Variants in SLC25A43 observed in about 807,000 individuals in gnomAD.
SLC25A43 encodes the protein solute carrier family 25 member 43.
A neutral mutation model predicts 22.8 loss-of-function variants in SLC25A43; 10 were observed. The observed-to-expected ratio is 0.44, with a 90% CI of 0.27 to 0.74. The LOEUF (loss-of-function observed/expected upper bound fraction) is 0.74, where lower values mean the gene tolerates loss of function less well. Ranked by LOEUF, SLC25A43 falls within the 30% of genes least tolerant of loss-of-function variation. The pLI is 0.17. For missense variants in SLC25A43, 233 were observed against 279.1 expected (o/e 0.83, Z 1.18); for synonymous variants, 106 against 121.6 (o/e 0.87, Z 0.84).
chrX:119,449,512 G>A (rs779863577), intron 3 of SLC25A43, among the ~76,000 whole-genome samples: 2 of 108,036 alleles, frequency 1.9e-5, no homozygotes, highest in African/African-American at 3.4e-5. Context: ...GGAGGATCAC[G>A]TGAGCCCAGA....
intron 3 of SLC25A43, among the ~76,000 whole-genome samples, chrX:119,442,809 C>T (rs995966998): frequency 3.6e-5 from 4 of 112,382 alleles, no homozygotes; most frequent in Non-Finnish European, 7.5e-5. Flanking sequence ...TCTTGACCCA[C>T]GATTTTTATA....
At position 119,399,650 on chromosome X, in the gene SLC25A43, A is replaced by C. The variant is rs2052218811; in HGVS notation, c.247A>C (p.Ser83Arg). 3.3e-5 allele frequency: 33 copies of C among 995,922 alleles called. No homozygotes were observed. The highest frequency in any genetic ancestry group is 3.9e-5 in the Non-Finnish European group (31 of 791,214). The allele number at this position is 995,922 out of a possible 1,213,427, so 82.1% of individuals were successfully genotyped here. A position where few individuals can be genotyped will look rare whatever the true frequency, so the allele number is the denominator to read the frequency against. The change falls in exon 1 of 5, where the codon AGC (serine) becomes CGC (arginine). Residue 83 changes from serine to arginine, a missense_variant. Physicochemically the swap from Ser to Arg is moderately radical, Grantham distance 110 (BLOSUM62 -1). Transcript: ENST00000217909. ...AVACLRLFPC[S>R]AVQLAAYRKF... ...GGCGTGCCTGCGCCTCTTCCCCTGC[A>C]GCGCCGTGCAGCTCGCCGCCTACCG... is the stretch of plus-strand genomic sequence containing the variant.
intron 3 of SLC25A43, among the ~76,000 whole-genome samples, chrX:119,428,502 G>C (rs1409230199): frequency 2.7e-5 from 3 of 111,770 alleles, no homozygotes; most frequent in African/African-American, 9.8e-5. Flanking sequence ...TCCAGATAAA[G>C]CTGCCACATA....
intron 2 of SLC25A43, 90 bp downstream of exon 2, chrX:119,406,791 GT>G: frequency 9.7e-7 from 1 of 1,031,720 alleles, no homozygotes; most frequent in Non-Finnish European, 1.3e-6. Flanking sequence ...CACTAAATCA[GT>G]TTTACTGAGA....
intron 2 of SLC25A43, among the ~76,000 whole-genome samples, chrX:119,407,489 T>C (rs2052309028): frequency 9.0e-6 from 1 of 111,646 alleles, no homozygotes; most frequent in Non-Finnish European, 1.9e-5. Context: ...ATGTTCTGGG[T>C]ACTGGGCCAA....
In SLC25A43 at chrX:119,426,959, G is replaced by A. The variant is rs781059955; in HGVS notation, c.690+16597G>A. Among the ~76,000 whole-genome samples the A allele has an allele frequency of 1.3e-3, 140 of 111,743 alleles. 1 individual carries two copies. The highest frequency in any genetic ancestry group is 4.4e-3 in the African/African-American group (137 of 30,794). ...GAGCAGCGACAGGAATCGAGAGTTC[G>A]TACAGAATTTTTTGGTTTGGTTAGC... is the stretch of plus-strand genomic sequence containing the variant. On this transcript the variant is annotated intron_variant, in intron 3 of 4. Coordinates refer to ENST00000217909, the MANE Select transcript of SLC25A43 (RefSeq NM_145305.3).
chrX:119,424,959 C>T (rs1360524430), intron 3 of SLC25A43, among the ~76,000 whole-genome samples: 1 of 112,121 alleles, frequency 8.9e-6, no homozygotes, highest in Non-Finnish European at 1.9e-5. Context: ...AAACCATCAC[C>T]CTAGGAGTCA....
intron 3 of SLC25A43, among the ~76,000 whole-genome samples, chrX:119,419,733 T>C (rs1408313889): frequency 8.9e-6 from 1 of 111,818 alleles, no homozygotes; most frequent in Non-Finnish European, 1.9e-5. Context: ...CTAACACTGT[T>C]ATTCCAGAGT....
At chrX:119,445,345 C>G (rs749948765) in intron 3 of SLC25A43, among the ~76,000 whole-genome samples, 11 of 112,212 alleles carry the variant, frequency 9.8e-5, no homozygotes, top group Non-Finnish European at 1.9e-4. Flanking sequence ...TACATACCCA[C>G]TAGTTGGAAT....
intron 3 of SLC25A43, among the ~76,000 whole-genome samples, chrX:119,420,839 G>T (rs2052446187): frequency 8.9e-6 from 1 of 112,150 alleles, no homozygotes; most frequent in African/African-American, 3.2e-5. Flanking sequence ...GGGCCTGGTG[G>T]CCCACGTCTG....
chrX:119,430,058 G>C (rs2052539844), intron 3 of SLC25A43, among the ~76,000 whole-genome samples: 1 of 112,155 alleles, frequency 8.9e-6, no homozygotes, highest in South Asian at 3.7e-4. Context: ...TGCTCATCCT[G>C]GGAGCTGTGG....
intron 1 of SLC25A43, among the ~76,000 whole-genome samples, chrX:119,403,835 G>A (rs952955384): frequency 9.1e-6 from 1 of 110,086 alleles, no homozygotes; most frequent in Admixed American, 9.6e-5. Context: ...AAATGAGTGT[G>A]GGGAACCCCA....
In SLC25A43 at chrX:119,406,351, A is replaced by G. The variant is rs185953173; in HGVS notation, c.276-109A>G. ...TTATATAGTACTATAGTAACTTTTC[A>G]CTTTGTAAAGTACTTTGAAATGCTG... is the stretch of plus-strand genomic sequence containing the variant. On this transcript the variant is annotated intron_variant, in intron 1 of 4. Transcript: ENST00000217909. 1,196 of 947,691 alleles carry G rather than the reference A, an allele frequency of 1.3e-3. 8 individuals carry two copies. The African/African-American group carries it at 0.022, about 17-fold the overall frequency. 78.1% of individuals were successfully genotyped at this position (947,691 alleles called of 1,213,427 possible).
intron 3 of SLC25A43, among the ~76,000 whole-genome samples, chrX:119,425,462 A>G (rs2052494856): frequency 9.5e-6 from 1 of 105,668 alleles, no homozygotes; most frequent in Non-Finnish European, 1.9e-5. Context: ...TTACCTGTCC[A>G]GAGGTACAAA....
chrX:119,432,784 T>TAAAAAAAAA (rs35181029), intron 3 of SLC25A43, among the ~76,000 whole-genome samples: 1 of 71,450 alleles, frequency 1.4e-5, no homozygotes, highest in African/African-American at 5.4e-5. Context: ...CGAGATTCCA[T>TAAAAAAAAA]AAAAAAAAAA....
chrX:119,452,731 AAG>A (rs2052715983), intron 4 of SLC25A43, 132 bp from the exon 5 acceptor site: 1 of 514,330 alleles, frequency 1.9e-6, no homozygotes, highest in Non-Finnish European at 3.2e-6. Flanking sequence ...TGATTCCAAA[AAG>A]AGTTACCATT....
intron 3 of SLC25A43, among the ~76,000 whole-genome samples, chrX:119,410,857 C>T (rs1464844786): frequency 1.8e-5 from 2 of 109,644 alleles, no homozygotes; most frequent in East Asian, 5.7e-4. Context: ...CCATTGCACT[C>T]CAGCCTGGGT....
At chrX:119,414,397 T>C (rs2052380287) in intron 3 of SLC25A43, among the ~76,000 whole-genome samples, 1 of 111,684 alleles carries the variant, frequency 9.0e-6, no homozygotes, top group East Asian at 2.8e-4. Flanking sequence ...TGGGTTTTTG[T>C]TTTGTTTTGT....
chrX:119,428,389 A>G (rs2052526219), intron 3 of SLC25A43, among the ~76,000 whole-genome samples: 1 of 110,651 alleles, frequency 9.0e-6, no homozygotes, highest in African/African-American at 3.3e-5. Flanking sequence ...TGGGAGGCAG[A>G]GGTTGCAGTG....
Sources: allele counts gnomAD v4.1 joint callset (sites outside exome capture counted in the v4.1 genomes callset), GRCh38; gene constraint gnomAD v4.1.1; transcripts MANE v1.5; gene names NCBI Gene and HGNC (gene_info 2026-07-23, HGNC 2026-07-21).